Variants in PCDH11X observed in about 807,000 individuals in gnomAD.
PCDH11X encodes the protein protocadherin 11 X-linked.
PCDH11X carries 18 observed loss-of-function variants against 53.3 expected under a neutral mutation model. That is an observed-to-expected ratio of 0.34 (90% CI 0.23 to 0.50). The LOEUF (loss-of-function observed/expected upper bound fraction) is 0.50. Among genes scored for constraint, PCDH11X ranks in the 20% least tolerant of loss-of-function variants. PCDH11X has a pLI of 0.98. For missense variants in PCDH11X, 570 were observed against 1,032.4 expected, an observed-to-expected ratio of 0.55 and a Z score of 6.14; for synonymous variants, 279 against 393.3, an observed-to-expected ratio of 0.71 and a Z score of 3.44.
chrX:92,592,410 G>T (rs1925124633), intron 10 of PCDH11X, among the ~76,000 whole-genome samples: 1 of 110,715 alleles, frequency 9.0e-6, no homozygotes, highest in African/African-American at 3.3e-5. Context: ...ATGGCTTACT[G>T]ATTTCACATA....
chrX:92,143,493 G>A (rs995405735), intron 6 of PCDH11X, among the ~76,000 whole-genome samples: 2 of 112,689 alleles, frequency 1.8e-5, no homozygotes, highest in African/African-American at 6.5e-5. Context: ...TAGAGCTTGG[G>A]CTGTGGCTTC....
intron 10 of PCDH11X, among the ~76,000 whole-genome samples, chrX:92,606,138 G>A (rs974553349): frequency 2.0e-5 from 2 of 98,257 alleles, no homozygotes; most frequent in African/African-American, 7.7e-5. Context: ...GGCTGAGGCA[G>A]GAGAATTGAT....
At chrX:92,354,187 C>A (rs1363677045) in intron 8 of PCDH11X, among the ~76,000 whole-genome samples, 1 of 105,977 alleles carries the variant, frequency 9.4e-6, no homozygotes, top group Non-Finnish European at 1.9e-5. Context: ...AAATGGAAAC[C>A]TCTGTAGCTT....
intron 6 of PCDH11X, among the ~76,000 whole-genome samples, chrX:92,035,431 T>G (rs767524173): frequency 1.9e-4 from 21 of 108,667 alleles, no homozygotes; most frequent in African/African-American, 7.0e-4. Context: ...TGGTAAAAGT[T>G]TTTTCCTTCA....
At chrX:92,096,438 A>ATGTGTG (rs10591250) in intron 6 of PCDH11X, among the ~76,000 whole-genome samples, 7,071 of 94,292 alleles carry the variant, frequency 0.075, 338 homozygotes, top group Admixed American at 0.21. Flanking sequence ...GTGTATGTGT[A>ATGTGTG]TGTGTGTGTG....
chrX:92,608,907 C>T (rs1266584291), intron 10 of PCDH11X, among the ~76,000 whole-genome samples: 1 of 110,850 alleles, frequency 9.0e-6, no homozygotes, highest in Non-Finnish European at 1.9e-5. Flanking sequence ...GTCAACATTA[C>T]CTGAATTCCC....
intron 6 of PCDH11X, among the ~76,000 whole-genome samples, chrX:91,910,493 C>CA (rs1256299538): frequency 9.0e-6 from 1 of 111,246 alleles, no homozygotes; most frequent in Admixed American, 9.6e-5. Context: ...TTCACAAAAA[C>CA]AAAAAAAGAC....
intron 6 of PCDH11X, among the ~76,000 whole-genome samples, chrX:92,029,001 TGTC>T (rs2063007652): frequency 9.1e-6 from 1 of 109,459 alleles, no homozygotes; most frequent in Non-Finnish European, 1.9e-5. Context: ...GCCATTTTCT[TGTC>T]TTTTTGTTGG....
rs2074065623 is a variant in PCDH11X at position 92,506,593 on chromosome X, G to T, written c.3367+38271G>T. ...CCCCAGGAATAAAGCCTACTTGATT[G>T]TGGTAAATTAGTTTTTGATGTGCTA... On this transcript the variant is annotated intron_variant, in intron 10 of 10. Coordinates refer to ENST00000682573, the MANE Select transcript of PCDH11X (RefSeq NM_032968.5). Among the ~76,000 whole-genome samples the T allele has an allele frequency of 2.9e-5, 3 of 103,969 alleles. 1 individual carries two copies. The Admixed American group carries it at 3.1e-4, about 11-fold the overall frequency. 90.3% of individuals were successfully genotyped at this position (103,969 alleles called of 115,157 possible). A position where few individuals can be genotyped will look rare whatever the true frequency, so the allele number is the denominator to read the frequency against.
chrX:91,971,409 T>C (rs1217337919), intron 6 of PCDH11X, among the ~76,000 whole-genome samples: 1 of 108,058 alleles, frequency 9.3e-6, no homozygotes, highest in East Asian at 2.9e-4. Context: ...TGTTACTCAG[T>C]TTGCAGCATG....
intron 10 of PCDH11X, among the ~76,000 whole-genome samples, chrX:92,528,696 A>T (rs1355691474): frequency 8.9e-6 from 1 of 111,847 alleles, no homozygotes; most frequent in East Asian, 2.8e-4. Flanking sequence ...ATATTTTAAT[A>T]AGAATTCAAA....
At chrX:91,835,424 C>A (rs1265128006) in intron 4 of PCDH11X, 37 bp from the exon 5 acceptor site, 7 of 1,206,669 alleles carry the variant, frequency 5.8e-6, no homozygotes, top group Non-Finnish European at 7.8e-6. Context: ...TTAATAATTT[C>A]TTCTTCCTCT....
At chrX:92,147,115 T>C (rs925901989) in intron 6 of PCDH11X, among the ~76,000 whole-genome samples, 9 of 98,111 alleles carry the variant, frequency 9.2e-5, no homozygotes, top group African/African-American at 4.9e-4. Context: ...GTAGAGACAT[T>C]ATTATTATTA....
At chrX:92,154,422 C>T (rs776629820) in intron 6 of PCDH11X, among the ~76,000 whole-genome samples, 1 of 108,811 alleles carries the variant, frequency 9.2e-6, no homozygotes, top group South Asian at 4.0e-4. Flanking sequence ...GGTTTATGCA[C>T]ATTATTATTG....
At chrX:92,370,467 T>C (rs1356861723) in intron 8 of PCDH11X, among the ~76,000 whole-genome samples, 3 of 105,191 alleles carry the variant, frequency 2.9e-5, no homozygotes, top group East Asian at 6.0e-4. Context: ...TTTCTTTTTT[T>C]TTTTTTTTTT....
intron 10 of PCDH11X, among the ~76,000 whole-genome samples, chrX:92,481,858 G>A (rs1252724858): frequency 9.6e-6 from 1 of 103,941 alleles, no homozygotes; most frequent in Non-Finnish European, 2.0e-5. Flanking sequence ...CTACTGCTGG[G>A]ATTCCAGAGG....
chrX:92,021,141 C>A (rs2062877790), intron 6 of PCDH11X, among the ~76,000 whole-genome samples: 1 of 110,856 alleles, frequency 9.0e-6, no homozygotes, highest in Admixed American at 9.6e-5. Flanking sequence ...TCCAAATGAT[C>A]CCAACGCCTT....
intron 6 of PCDH11X, among the ~76,000 whole-genome samples, chrX:91,996,015 T>C (rs2062413499): frequency 9.3e-6 from 1 of 107,545 alleles, no homozygotes; most frequent in Non-Finnish European, 1.9e-5. Context: ...TAATTTTTTG[T>C]ATTTTTTAGT....
At chrX:92,330,122 C>T (rs998491928) in intron 8 of PCDH11X, among the ~76,000 whole-genome samples, 7 of 108,347 alleles carry the variant, frequency 6.5e-5, no homozygotes, top group East Asian at 2.9e-4. Context: ...ACTATATACC[C>T]GCAAATTAAA....
Sources: allele counts gnomAD v4.1 joint callset (sites outside exome capture counted in the v4.1 genomes callset), GRCh38; gene constraint gnomAD v4.1.1; transcripts MANE v1.5; gene names NCBI Gene and HGNC (gene_info 2026-07-23, HGNC 2026-07-21).